The following STRN variants were observed in gnomAD, a reference collection of about 807,000 sequenced individuals.
STRN encodes the protein protein phosphatase 2 regulatory subunit B'''alpha.
STRN carries 53 observed loss-of-function variants against 96.3 expected under a neutral mutation model. The observed-to-expected ratio is 0.55, with a 90% CI of 0.44 to 0.69. STRN has a LOEUF of 0.69. Among genes scored for constraint, STRN ranks in the 30% least tolerant of loss-of-function variants. The pLI is 0.00. For missense variants in STRN, 987 were observed against 963.9 expected, an observed-to-expected ratio of 1.02 and a Z score of -0.32; for synonymous variants, 428 against 355.9, an observed-to-expected ratio of 1.20 and a Z score of -2.28.
intron 7 of STRN, among the ~76,000 whole-genome samples, chr2:36,889,010 G>A (rs763264277): frequency 1.3e-5 from 2 of 151,998 alleles, no homozygotes; most frequent in Non-Finnish European, 2.9e-5. Context: ...ATTGTAACCT[G>A]CCTTCTCTAC....
chr2:36,877,473 C>A (rs1386484288), intron 10 of STRN, among the ~76,000 whole-genome samples: 6 of 152,190 alleles, frequency 3.9e-5, no homozygotes, highest in African/African-American at 1.4e-4. Context: ...GAAAACTGAA[C>A]CAAGTTCTAC....
rs773418359 is a variant in STRN at position 36,894,007 on chromosome 2, G to A, written c.822C>T (p.Asp274=). 6.2e-6 allele frequency: 10 copies of A among 1,612,814 alleles called. No individual in the cohort carries two copies. In the African/African-American group the frequency reaches 1.2e-4, roughly 19 times the overall value. The change falls in exon 7 of 18, where the codon GAC becomes GAT. Residue 274 remains aspartate, a synonymous_variant. Coordinates refer to ENST00000263918, the MANE Select transcript of STRN (RefSeq NM_003162.4). ...STIVRKKALP[D]SGEDRDTKEA... ...CTTTTGTATCTCGATCTTCACCGCT[G>A]TCAGGCAATGCTTTTTTCCTAACAA...
intron 2 of STRN, among the ~76,000 whole-genome samples, chr2:36,919,273 G>C (rs190295330): frequency 1.1e-3 from 168 of 152,268 alleles, no homozygotes; most frequent in African/African-American, 1.6e-3. Context: ...TACTGTGTAA[G>C]AGCTATAAGG....
At chr2:36,931,755 T>C (rs1670579390) in intron 1 of STRN, among the ~76,000 whole-genome samples, 1 of 152,222 alleles carries the variant, frequency 6.6e-6, no homozygotes, top group African/African-American at 2.4e-5. Context: ...AGCAACTGGA[T>C]GCCTATTTAA....
chr2:36,941,404 A>G (rs1453300622), intron 1 of STRN, among the ~76,000 whole-genome samples: 1 of 152,158 alleles, frequency 6.6e-6, no homozygotes, highest in African/African-American at 2.4e-5. Flanking sequence ...CCCATAAAAA[A>G]GTAATGTTCA....
At chr2:36,860,253 T>G (rs1326333368) in intron 13 of STRN, among the ~76,000 whole-genome samples, 1 of 151,862 alleles carries the variant, frequency 6.6e-6, no homozygotes, top group African/African-American at 2.4e-5. Flanking sequence ...ATGAATAAAG[T>G]CAAAATGGGA....
chr2:36,902,190 TAAAC>T (rs1480941345), intron 5 of STRN, among the ~76,000 whole-genome samples: 4 of 152,288 alleles, frequency 2.6e-5, no homozygotes, highest in East Asian at 1.9e-4. Context: ...CATTAATAGA[TAAAC>T]AAAAGTGGTT....
rs1485902622 is a variant in STRN, at chr2:36,837,941, G to C, written c.*11515C>G. On this transcript the variant is annotated 3_prime_UTR_variant, in exon 18 of 18. Coordinates refer to ENST00000263918, the MANE Select transcript of STRN (RefSeq NM_003162.4). ...AGTATAACTACGAATATTTGTGGTA[G>C]GCAGAATTCTAAGATGGCCCCCATG... 1.3e-5 allele frequency among the ~76,000 whole-genome samples: 2 copies of C among 152,138 alleles called. No homozygotes were observed. The highest frequency in any genetic ancestry group is 2.4e-5 in the African/African-American group (1 of 41,420).
chr2:36,902,847 CAT>C (rs1669725006), intron 4 of STRN, 96 bp from the exon 5 acceptor site: 1 of 1,059,372 alleles, frequency 9.4e-7, no homozygotes, highest in Admixed American at 2.4e-5. Flanking sequence ...TCATTGCCTG[CAT>C]AAGACTTAAC....
intron 1 of STRN, among the ~76,000 whole-genome samples, chr2:36,948,267 A>G (rs777620307): frequency 7.3e-5 from 11 of 151,618 alleles, no homozygotes; most frequent in Non-Finnish European, 1.3e-4. Context: ...ACACCTAGCT[A>G]ATTTTTGTAC....
chr2:36,964,667 C>T (rs1665115606), intron 1 of STRN, among the ~76,000 whole-genome samples: 3 of 152,204 alleles, frequency 2.0e-5, no homozygotes. Flanking sequence ...TTCAGCTGCT[C>T]ATTTGTCATC....
At chr2:36,938,583 CTATTTGCATG>C (rs2148250185) in intron 1 of STRN, among the ~76,000 whole-genome samples, 1 of 152,242 alleles carries the variant, frequency 6.6e-6, no homozygotes, top group South Asian at 2.1e-4. Flanking sequence ...CTGGTGTTTG[CTATTTGCATG>C]TATTTTCATA....
Position 36,840,293 on chromosome 2 carries a change from A to G in STRN, c.*9163T>C, listed in dbSNP as rs1667921192. The G allele has an allele frequency of 6.6e-6, 1 of 152,240 alleles. No individual in the cohort carries two copies. Among genetic ancestry groups the G allele is most frequent in the South Asian group, 2.1e-4 (1 of 4,814 alleles). 9.4% of individuals were successfully genotyped at this position (152,240 alleles called of 1,614,324 possible). On this transcript the variant is annotated 3_prime_UTR_variant, in exon 18 of 18. Coordinates refer to ENST00000263918, the MANE Select transcript of STRN (RefSeq NM_003162.4). Reference sequence around the variant, plus strand: ...GGAACAGGGGATGAGCAGAGGAGATATGGGGGTCCGGGGATAGATGGGAGG... The same window carrying G: ...GGAACAGGGGATGAGCAGAGGAGATGTGGGGGTCCGGGGATAGATGGGAGG...
chr2:36,888,548 T>A (rs1669299244), intron 7 of STRN, among the ~76,000 whole-genome samples: 1 of 152,126 alleles, frequency 6.6e-6, no homozygotes, highest in Non-Finnish European at 1.5e-5. Flanking sequence ...CTTCCCCAGA[T>A]GGCCAATTCC....
intron 3 of STRN, among the ~76,000 whole-genome samples, chr2:36,906,417 C>T (rs951920158): frequency 6.6e-6 from 1 of 151,900 alleles, no homozygotes; most frequent in East Asian, 1.9e-4. Context: ...TGTGATCGTG[C>T]CACTGTACTC....
chr2:36,931,504 A>T (rs905640518), intron 1 of STRN, among the ~76,000 whole-genome samples: 1 of 152,238 alleles, frequency 6.6e-6, no homozygotes, highest in African/African-American at 2.4e-5. Flanking sequence ...ACGAGGATTC[A>T]AGTGATAAAA....
At chr2:36,903,692 G>C (rs1260066668) in intron 4 of STRN, among the ~76,000 whole-genome samples, 1 of 152,184 alleles carries the variant, frequency 6.6e-6, no homozygotes, top group Non-Finnish European at 1.5e-5. Context: ...AGTTATTATA[G>C]CTGAAAGAGT....
chr2:36,914,756 T>C (rs1472121923), intron 3 of STRN, among the ~76,000 whole-genome samples: 1 of 152,216 alleles, frequency 6.6e-6, no homozygotes, highest in African/African-American at 2.4e-5. Context: ...AGACCTGGGT[T>C]CAGCTCCATA....
chr2:36,904,686 G>C (rs964609319), intron 4 of STRN, among the ~76,000 whole-genome samples: 1 of 152,128 alleles, frequency 6.6e-6, no homozygotes, highest in East Asian at 1.9e-4. Context: ...AAATGAGACA[G>C]GCATAGAGGC....
Sources: gnomAD v4.1 joint callset for allele counts (sites outside exome capture counted in the v4.1 genomes callset) on GRCh38, gnomAD v4.1.1 for gene constraint, MANE v1.5 for transcripts, NCBI Gene and HGNC (gene_info 2026-07-23, HGNC 2026-07-21) for gene names.